PLEKHG3: variants seen among roughly 807,000 people sequenced by gnomAD.
PLEKHG3 encodes pleckstrin homology and RhoGEF domain containing G3, also known as pleckstrin homology domain-containing family G member 3.
A neutral mutation model predicts 94.9 loss-of-function variants in PLEKHG3; 62 were observed. The ratio of observed to expected loss-of-function variants is 0.65; its 90% confidence interval spans 0.53 to 0.81. The LOEUF (loss-of-function observed/expected upper bound fraction) is 0.81. Ranked by LOEUF, PLEKHG3 falls within the 30% of genes least tolerant of loss-of-function variation. The pLI, the probability that PLEKHG3 is intolerant of heterozygous loss-of-function variation, is 0.00. For synonymous variants in PLEKHG3, 614 were observed against 654.0 expected (o/e 0.94, Z 0.93); for missense variants, 1,461 against 1,619.3 (o/e 0.90, Z 1.68).
intron 1 of PLEKHG3, among the ~76,000 whole-genome samples, chr14:64,710,269 G>A (rs569024500): frequency 2.6e-5 from 4 of 152,284 alleles, no homozygotes; most frequent in African/African-American, 4.8e-5. Context: ...GAAGGTCGAG[G>A]ACTCAAGGTC....
rs138114869 is a variant in PLEKHG3 at position 64,743,539 on chromosome 14, G to A, written c.3496G>A (p.Gly1166Arg). Reference protein sequence around the residue: ...TAGLEESSGQGPSSPVALLGQ... With the variant: ...TAGLEESSGQRPSSPVALLGQ... ...AGGGCTGGAGGAGAGCAGTGGCCAG[G>A]GACCAAGCTCACCGGTGGCCCTGCT... Residue 1166 changes from glycine to arginine, a missense_variant, in exon 17 of 17, where the codon GGA (glycine) becomes AGA (arginine). This residue lies in a region of PLEKHG3 where 1,201 missense variants were observed against 1,295.5 expected (regional missense o/e 0.93). Coordinates refer to ENST00000247226, the MANE Select transcript of PLEKHG3 (RefSeq NM_001308147.2). This position sits in a 1 kb window ranked among gnomAD's most constrained non-coding sequence, Gnocchi z 7.2. 1 of 1,612,916 alleles carries A rather than the reference G, an allele frequency of 6.2e-7. No homozygotes were observed.
rs557254384 is a variant in PLEKHG3, at chr14:64,740,991, GA to G, written c.1519-43del. 1,581 of 1,475,826 alleles carry G rather than the reference GA, an allele frequency of 1.1e-3. 1 individual carries two copies. The highest frequency in any genetic ancestry group is 1.5e-3 in the Admixed American group (72 of 46,710). 91.4% of individuals were successfully genotyped at this position (1,475,826 alleles called of 1,614,324 possible). A position where few individuals can be genotyped will look rare whatever the true frequency, so the allele number is the denominator to read the frequency against. On this transcript the variant is annotated intron_variant, in intron 15 of 16. Coordinates refer to ENST00000247226, the MANE Select transcript of PLEKHG3 (RefSeq NM_001308147.2). ...TGTCCCCTTGTTCCCCGGATCCCAT[GA>G]AGGAGGCTTTTTACTCATGTGAGCC...
rs1269105784 is a variant in PLEKHG3 at position 64,739,646 on chromosome 14, C to G, written c.1518+791C>G. Among the ~76,000 whole-genome samples the G allele has an allele frequency of 2.0e-5, 3 of 152,244 alleles. No homozygotes were observed. Among genetic ancestry groups the G allele is most frequent in the African/African-American group, 7.2e-5 (3 of 41,464 alleles). On this transcript the variant is annotated intron_variant, in intron 15 of 16. Coordinates refer to ENST00000247226, the MANE Select transcript of PLEKHG3 (RefSeq NM_001308147.2). The surrounding 1 kb of genome is among the most constrained non-coding windows in gnomAD (Gnocchi z 4.1). ...ACGTGGGTAGCTTAGTTATTGCTCACAGTTTTGGAGGCTGGAAATTCTAAG... is the reference window on the plus strand; with the variant it reads ...ACGTGGGTAGCTTAGTTATTGCTCAGAGTTTTGGAGGCTGGAAATTCTAAG...
In PLEKHG3 at chr14:64,704,431, C is replaced by CCT. The variant is rs2140292011; in HGVS notation, c.-313_-312insCT. On this transcript the variant is annotated 5_prime_UTR_variant, in exon 1 of 17. Coordinates refer to ENST00000247226, the MANE Select transcript of PLEKHG3 (RefSeq NM_001308147.2). This position sits in a 1 kb window ranked among gnomAD's most constrained non-coding sequence, Gnocchi z 5.6. ...TCGCTCCCTCGCTCCCTCGCTCCCTCGCTCCCTCGCTCCCTCCTGCCCTCC... is the reference window on the plus strand; with the variant it reads ...TCGCTCCCTCGCTCCCTCGCTCCCTCCTGCTCCCTCGCTCCCTCCTGCCCTCC... The CCT allele has an allele frequency of 6.1e-6, 1 of 164,256 alleles. No individual in the cohort carries two copies. The highest frequency in any genetic ancestry group is 1.3e-5 in the Non-Finnish European group (1 of 74,692). The allele number at this position is 164,256 out of a possible 1,614,324, so 10.2% of individuals were successfully genotyped here. A position where few individuals can be genotyped will look rare whatever the true frequency, so the allele number is the denominator to read the frequency against.
Position 64,732,086 on chromosome 14 carries a change from T to C in PLEKHG3, c.1126-9T>C. ...AACCACTGGGTCCCTTTCCCTTGGG[T>C]CCTCCCAGGCCAAGACAGTGGAGGA... On this transcript the variant is annotated splice_polypyrimidine_tract_variant and intron_variant, in intron 9 of 16. Transcript: ENST00000247226. This position sits in a 1 kb window ranked among gnomAD's most constrained non-coding sequence, Gnocchi z 4.9. The C allele has an allele frequency of 1.9e-6, 3 of 1,607,232 alleles. No homozygotes were observed. The highest frequency in any genetic ancestry group is 2.6e-6 in the Non-Finnish European group (3 of 1,173,812).
At position 64,716,300 on chromosome 14, in the gene PLEKHG3, A is replaced by G. The variant is rs1434021556; in HGVS notation, c.-39-11293A>G. Among the ~76,000 whole-genome samples the G allele has an allele frequency of 5.9e-5, 9 of 152,082 alleles. No individual in the cohort carries two copies. ...ATAGGTGAGCTGCTCTTCTTAGTGG[A>G]CTGTCATGTGTCTGGGTGACACAGC... On this transcript the variant is annotated intron_variant, in intron 1 of 16. Transcript: ENST00000247226. The surrounding 1 kb of genome is among the most constrained non-coding windows in gnomAD (Gnocchi z 5.0).
rs1566693902 is a variant in PLEKHG3 at position 64,716,467 on chromosome 14, A to AC, written c.-39-11125dup. ...ACACACACACACACACACACACACAACACACACACACACAACACACACACA... is the reference window on the plus strand; with the variant it reads ...ACACACACACACACACACACACACAACCACACACACACACAACACACACACA... On this transcript the variant is annotated intron_variant, in intron 1 of 16. Transcript: ENST00000247226. The surrounding 1 kb of genome is among the most constrained non-coding windows in gnomAD (Gnocchi z 5.0). Among the ~76,000 whole-genome samples, 307 of 58,180 alleles carry AC rather than the reference A, an allele frequency of 5.3e-3. 5 individuals are homozygous for AC. The highest frequency in any genetic ancestry group is 0.018 in the South Asian group (26 of 1,446). The allele number at this position is 58,180 out of a possible 152,430, so 38.2% of individuals were successfully genotyped here.
In PLEKHG3 at chr14:64,717,465, C is replaced by T. The variant is rs1259495442; in HGVS notation, c.-39-10128C>T. ...GTGAGAACTGGGGGAAGGAAAAAAC[C>T]CTTGGGTAGTAAGATGCACACAAAC... On this transcript the variant is annotated intron_variant, in intron 1 of 16. Transcript: ENST00000247226. This position sits in a 1 kb window ranked among gnomAD's most constrained non-coding sequence, Gnocchi z 4.7. Among the ~76,000 whole-genome samples the T allele has an allele frequency of 2.0e-5, 3 of 152,104 alleles. No homozygotes were observed.
Position 64,732,067 on chromosome 14 carries a change from TG to T in PLEKHG3, c.1126-25del. On this transcript the variant is annotated intron_variant, in intron 9 of 16. Coordinates refer to ENST00000247226, the MANE Select transcript of PLEKHG3 (RefSeq NM_001308147.2). This position sits in a 1 kb window ranked among gnomAD's most constrained non-coding sequence, Gnocchi z 4.9. ...GCTTCAGGCCTGTAATGATAACCAC[TG>T]GGTCCCTTTCCCTTGGGTCCTCCCA... 6.6e-7 allele frequency: 1 copy of T among 1,525,934 alleles called. No homozygotes were observed. The highest frequency in any genetic ancestry group is 1.7e-5 in the Admixed American group (1 of 59,926). 94.5% of individuals were successfully genotyped at this position (1,525,934 alleles called of 1,614,324 possible).
chr14:64,716,482 A>G lies in PLEKHG3; in HGVS notation c.-39-11111A>G. On this transcript the variant is annotated intron_variant, in intron 1 of 16. Coordinates refer to ENST00000247226, the MANE Select transcript of PLEKHG3 (RefSeq NM_001308147.2). The surrounding 1 kb of genome is among the most constrained non-coding windows in gnomAD (Gnocchi z 5.0). ...CACACACACAACACACACACACACA[A>G]CACACACACACACAACACACACACA... is the stretch of plus-strand genomic sequence containing the variant. Among the ~76,000 whole-genome samples the G allele has an allele frequency of 1.8e-5, 2 of 110,286 alleles. No individual in the cohort carries two copies. Among genetic ancestry groups the G allele is most frequent in the African/African-American group, 7.6e-5 (2 of 26,436 alleles). 72.4% of individuals were successfully genotyped at this position (110,286 alleles called of 152,430 possible).
chr14:64,726,724 G>A lies in PLEKHG3; in HGVS notation c.-39-869G>A, dbSNP rs2081360374. ...AGAGACTCACTGATGGCTTAGCCCT[G>A]GGGAATTTCCTGGGGCCTGGGATGA... On this transcript the variant is annotated intron_variant, in intron 1 of 16. Transcript: ENST00000247226. This position sits in a 1 kb window ranked among gnomAD's most constrained non-coding sequence, Gnocchi z 5.1. Among the ~76,000 whole-genome samples the A allele has an allele frequency of 1.3e-5, 2 of 152,170 alleles. No homozygotes were observed. The highest frequency in any genetic ancestry group is 4.8e-5 in the African/African-American group (2 of 41,434).
rs1194347464 is a variant in PLEKHG3 at position 64,722,528 on chromosome 14, T to C, written c.-39-5065T>C. ...AGCCACTGCGCCTGGCCACGAGGAC[T>C]TTCCCTGTGTGCAGGTGCCGTGTGG... On this transcript the variant is annotated intron_variant, in intron 1 of 16. Coordinates refer to ENST00000247226, the MANE Select transcript of PLEKHG3 (RefSeq NM_001308147.2). This position sits in a 1 kb window ranked among gnomAD's most constrained non-coding sequence, Gnocchi z 4.3. 1.3e-5 allele frequency among the ~76,000 whole-genome samples: 2 copies of C among 152,162 alleles called. No individual in the cohort carries two copies. The highest frequency in any genetic ancestry group is 2.9e-5 in the Non-Finnish European group (2 of 68,022).
At position 64,730,139 on chromosome 14, in the gene PLEKHG3, A is replaced by G. The variant is rs1566704768; in HGVS notation, c.450-104A>G. 1.5e-6 allele frequency: 1 copy of G among 671,680 alleles called. No homozygotes were observed. 41.6% of individuals were successfully genotyped at this position (671,680 alleles called of 1,614,324 possible). Reference sequence around the variant, plus strand: ...GAAGCCCCAGTTCTTTAGCAAAGCAATAGGGCTGGCTGTCAGTCAGGGTTT... The same window carrying G: ...GAAGCCCCAGTTCTTTAGCAAAGCAGTAGGGCTGGCTGTCAGTCAGGGTTT... On this transcript the variant is annotated intron_variant, in intron 3 of 16. Coordinates refer to ENST00000247226, the MANE Select transcript of PLEKHG3 (RefSeq NM_001308147.2). This position sits in a 1 kb window ranked among gnomAD's most constrained non-coding sequence, Gnocchi z 5.4.
rs749482963 is a variant in PLEKHG3, at chr14:64,731,085, G to A, written c.765G>A (p.Val255=). Residue 255 remains valine, a synonymous_variant, in exon 7 of 17, where the codon GTG becomes GTA. Transcript: ENST00000247226. This position sits in a 1 kb window ranked among gnomAD's most constrained non-coding sequence, Gnocchi z 6.1. ...FDEEEDGFEV[V]EDAIDTMTCV... ...AAGAAGAGGATGGCTTTGAGGTGGT[G>A]GAGGATGCCATTGACACCATGACCT... is the stretch of plus-strand genomic sequence containing the variant. 3 of 1,613,762 alleles carry A rather than the reference G, an allele frequency of 1.9e-6. No homozygotes were observed. The highest frequency in any genetic ancestry group is 2.2e-5 in the East Asian group (1 of 44,870).
Position 64,717,786 on chromosome 14 carries a change from C to T in PLEKHG3, c.-39-9807C>T, listed in dbSNP as rs1594669037. Among the ~76,000 whole-genome samples, 1 of 152,238 alleles carries T rather than the reference C, an allele frequency of 6.6e-6. No homozygotes were observed. The highest frequency in any genetic ancestry group is 2.4e-5 in the African/African-American group (1 of 41,458). ...CCTGGGCTTCTGCATTCTTCTTGAA[C>T]ACTCCCTGGCTCTAGGGACACCTGC... On this transcript the variant is annotated intron_variant, in intron 1 of 16. Coordinates refer to ENST00000247226, the MANE Select transcript of PLEKHG3 (RefSeq NM_001308147.2). This position sits in a 1 kb window ranked among gnomAD's most constrained non-coding sequence, Gnocchi z 4.7.
In PLEKHG3 at chr14:64,742,079, G is replaced by C; in HGVS notation, c.2562G>C (p.Leu854=). The part of the protein sequence containing the change: ...EPLFILEEHE[L]GAITEESATA... Reference sequence around the variant, plus strand: ...TCTTCATCCTGGAGGAGCATGAGCTGGGAGCCATCACAGAGGAGTCGGCCA... The same window carrying C: ...TCTTCATCCTGGAGGAGCATGAGCTCGGAGCCATCACAGAGGAGTCGGCCA... The change falls in exon 16 of 17, where the codon CTG becomes CTC. Residue 854 remains leucine (L), a synonymous_variant. Coordinates refer to ENST00000247226, the MANE Select transcript of PLEKHG3 (RefSeq NM_001308147.2). The C allele has an allele frequency of 6.2e-7, 1 of 1,609,168 alleles. No homozygotes were observed. The highest frequency in any genetic ancestry group is 1.1e-5 in the South Asian group (1 of 90,944).
intron 12 of PLEKHG3, among the ~76,000 whole-genome samples, chr14:64,733,942 T>C (rs1367027067): frequency 6.6e-6 from 1 of 151,732 alleles, no homozygotes; most frequent in Non-Finnish European, 1.5e-5. Context: ...AAGGTGGGAG[T>C]TGGGGTGAGA....
intron 1 of PLEKHG3, among the ~76,000 whole-genome samples, chr14:64,708,718 T>G (rs1157653800): frequency 6.6e-6 from 1 of 152,076 alleles, no homozygotes; most frequent in Admixed American, 6.5e-5. Context: ...AAGTTTGTGG[T>G]GAGTGGCTTC....
rs1455773412 is a variant in PLEKHG3, at chr14:64,732,951, C to T, written c.1345+50C>T. 10 of 1,185,590 alleles carry T rather than the reference C, an allele frequency of 8.4e-6. No individual in the cohort carries two copies. Among genetic ancestry groups the T allele is most frequent in the Non-Finnish European group, 1.1e-5 (9 of 809,406 alleles). 73.4% of individuals were successfully genotyped at this position (1,185,590 alleles called of 1,614,324 possible). A position where few individuals can be genotyped will look rare whatever the true frequency, so the allele number is the denominator to read the frequency against. ...GAGGCCTCTCCCTCACACCCTTGCC[C>T]AGACTGGGGACCGTCTGCGGCAGTG... On this transcript the variant is annotated intron_variant, in intron 12 of 16. Transcript: ENST00000247226. The surrounding 1 kb of genome is among the most constrained non-coding windows in gnomAD (Gnocchi z 4.9).
Sources: gnomAD v4.1 joint callset for allele counts (sites outside exome capture counted in the v4.1 genomes callset) on GRCh38, gnomAD v4.1.1 for gene constraint, gnomAD v4.1.1 regional missense constraint, Gnocchi (gnomAD v3.1) non-coding constraint, MANE v1.5 for transcripts, NCBI Gene and HGNC (gene_info 2026-07-23, HGNC 2026-07-21) for gene names.